Variants in NXPH3 observed in about 807,000 individuals in gnomAD.
The protein encoded by NXPH3 is neurexophilin-3.
A neutral mutation model predicts 18.8 loss-of-function variants in NXPH3; 7 were observed. That is an observed-to-expected ratio of 0.37 (90% CI 0.21 to 0.70). The LOEUF is 0.70. Ranked by LOEUF, NXPH3 falls within the 30% of genes least tolerant of loss-of-function variation. The pLI, the probability that NXPH3 is intolerant of heterozygous loss-of-function variation, is 0.53. For missense variants in NXPH3, 282 were observed against 338.1 expected, an observed-to-expected ratio of 0.83 and a Z score of 1.30; for synonymous variants, 101 against 137.3, an observed-to-expected ratio of 0.74 and a Z score of 1.85.
intron 1 of NXPH3, among the ~76,000 whole-genome samples, chr17:49,577,007 G>T (rs1235955417): frequency 6.6e-6 from 1 of 152,032 alleles, no homozygotes; most frequent in Non-Finnish European, 1.5e-5. Flanking sequence ...CAATACTGTC[G>T]TGAAGCCTCA....
intron 1 of NXPH3, among the ~76,000 whole-genome samples, chr17:49,577,066 C>A (rs1447759292): frequency 6.6e-6 from 1 of 152,130 alleles, no homozygotes; most frequent in Admixed American, 6.5e-5. Flanking sequence ...CTTGCCACCG[C>A]CCCATGCCAC....
At chr17:49,576,358 T>C in intron 1 of NXPH3, 85 bp downstream of exon 1, 1 of 1,440,276 alleles carries the variant, frequency 6.9e-7, no homozygotes, top group Non-Finnish European at 9.5e-7. Context: ...GCCCTGAAAC[T>C]TTCTCCCTTC....
rs1193816154 is a variant in NXPH3, at chr17:49,580,564, A to G, written c.*1264A>G. On this transcript the variant is annotated 3_prime_UTR_variant, in exon 2 of 2. Coordinates refer to ENST00000328741, the MANE Select transcript of NXPH3 (RefSeq NM_007225.4). ...CCCCCACGAGGAAACTTGAGCAAAC[A>G]CCCTGGGCTCGGTGCTGGAGGAGGG... The G allele has an allele frequency of 6.6e-6, 1 of 152,184 alleles. No individual in the cohort carries two copies. The highest frequency in any genetic ancestry group is 1.5e-5 in the Non-Finnish European group (1 of 68,054). 9.4% of individuals were successfully genotyped at this position (152,184 alleles called of 1,614,324 possible).
Position 49,579,445 on chromosome 17 carries a change from C to T in NXPH3, c.*145C>T. Reference sequence around the variant, plus strand: ...GAGGAGATGCCAAGTGGGGCCAGGGCCAAGTCTCAAGTGGCAGAGAAAGGG... The same window carrying T: ...GAGGAGATGCCAAGTGGGGCCAGGGTCAAGTCTCAAGTGGCAGAGAAAGGG... On this transcript the variant is annotated 3_prime_UTR_variant, in exon 2 of 2. Transcript: ENST00000328741. The surrounding 1 kb of genome is among the most constrained non-coding windows in gnomAD (Gnocchi z 6.0). 1.4e-6 allele frequency: 1 copy of T among 691,988 alleles called. No homozygotes were observed. Among genetic ancestry groups the T allele is most frequent in the Non-Finnish European group, 2.4e-6 (1 of 419,228 alleles). 42.9% of individuals were successfully genotyped at this position (691,988 alleles called of 1,614,324 possible).
Position 49,576,126 on chromosome 17 carries a change from T to C in NXPH3, c.-94T>C, listed in dbSNP as rs2071569567. 1 of 1,465,002 alleles carries C rather than the reference T, an allele frequency of 6.8e-7. No individual in the cohort carries two copies. The highest frequency in any genetic ancestry group is 9.3e-7 in the Non-Finnish European group (1 of 1,073,618). The allele number at this position is 1,465,002 out of a possible 1,614,324, so 90.8% of individuals were successfully genotyped here. Reference sequence around the variant, plus strand: ...CCGCGGGCCGCCGGGGACTGGAGCATGGGACGGCGCGCCTGAAGGAGCAGG... The same window carrying C: ...CCGCGGGCCGCCGGGGACTGGAGCACGGGACGGCGCGCCTGAAGGAGCAGG... On this transcript the variant is annotated 5_prime_UTR_variant, in exon 1 of 2. The change abolishes an upstream ATG in the 5' untranslated region. Coordinates refer to ENST00000328741, the MANE Select transcript of NXPH3 (RefSeq NM_007225.4).
chr17:49,580,865 C>T lies in NXPH3; in HGVS notation c.*1565C>T, dbSNP rs756118670. On this transcript the variant is annotated 3_prime_UTR_variant, in exon 2 of 2. Coordinates refer to ENST00000328741, the MANE Select transcript of NXPH3 (RefSeq NM_007225.4). ...AACACACAGATTTCTGGGTCCTACC[C>T]ACATTTCTAATTCAGCAGGCCTGGG... 1.6e-4 allele frequency: 25 copies of T among 152,340 alleles called. 1 individual carries two copies. Among genetic ancestry groups the T allele is most frequent in the Non-Finnish European group, 5.9e-5 (4 of 68,132 alleles). 9.4% of individuals were successfully genotyped at this position (152,340 alleles called of 1,614,324 possible). A position where few individuals can be genotyped will look rare whatever the true frequency, so the allele number is the denominator to read the frequency against.
chr17:49,576,210 G>T lies in NXPH3; in HGVS notation c.-10G>T. The T allele has an allele frequency of 6.4e-7, 1 of 1,564,740 alleles. No individual in the cohort carries two copies. The highest frequency in any genetic ancestry group is 8.7e-7 in the Non-Finnish European group (1 of 1,154,678). ...AGGGGAGAGCGAGGGGACGAGAGCG[G>T]AGGAGGAAGATGCAACTGACTCGCT... On this transcript the variant is annotated 5_prime_UTR_variant, in exon 1 of 2. Coordinates refer to ENST00000328741, the MANE Select transcript of NXPH3 (RefSeq NM_007225.4).
chr17:49,576,594 C>T (rs1401802273), intron 1 of NXPH3, among the ~76,000 whole-genome samples: 1 of 152,000 alleles, frequency 6.6e-6, no homozygotes, highest in Non-Finnish European at 1.5e-5. Flanking sequence ...ACCGCTGAAG[C>T]CGGGGGCGAG....
intron 1 of NXPH3, chr17:49,577,626 C>T (rs2071577841): frequency 6.6e-6 from 1 of 152,264 alleles, no homozygotes; most frequent in South Asian, 2.1e-4. Context: ...GATAAAAACC[C>T]TTTCAAAAAG....
chr17:49,580,290 C>G lies in NXPH3; in HGVS notation c.*990C>G, dbSNP rs1567759825. On this transcript the variant is annotated 3_prime_UTR_variant, in exon 2 of 2. Coordinates refer to ENST00000328741, the MANE Select transcript of NXPH3 (RefSeq NM_007225.4). ...GGGAGGGGAGGGAAGTCTTGTGAAA[C>G]CGCTGATTGCTGACTTTTGTGTGAA... 2.0e-5 allele frequency: 3 copies of G among 152,434 alleles called. No homozygotes were observed. The highest frequency in any genetic ancestry group is 2.1e-4 in the South Asian group (1 of 4,826). 9.4% of individuals were successfully genotyped at this position (152,434 alleles called of 1,614,324 possible). A position where few individuals can be genotyped will look rare whatever the true frequency, so the allele number is the denominator to read the frequency against.
rs370615578 is a variant in NXPH3 at position 49,578,997 on chromosome 17, T to G, written c.456T>G (p.Ser152Arg). Residue 152 changes from serine to arginine, a missense_variant, in exon 2 of 2, where the codon AGT becomes AGG. By Grantham distance (110) the Ser-to-Arg change is moderately radical. Transcript: ENST00000328741. The surrounding 1 kb of genome is among the most constrained non-coding windows in gnomAD (Gnocchi z 4.5). ...GNISISLVPP[S>R]KAVEFHQEQQ... The stretch of plus-strand genomic sequence containing the variant: ...TCTCCATCAGCCTCGTGCCCCCCAG[T>G]AAAGCTGTAGAGTTCCACCAGGAAC... The G allele has an allele frequency of 4.3e-6, 7 of 1,614,000 alleles. No individual in the cohort carries two copies.
In NXPH3 at chr17:49,579,076, T is replaced by C; in HGVS notation, c.535T>C (p.Trp179Arg). 5 of 1,613,174 alleles carry C rather than the reference T, an allele frequency of 3.1e-6. No individual in the cohort carries two copies. Among genetic ancestry groups the C allele is most frequent in the South Asian group, 1.1e-5 (1 of 91,030 alleles). Residue 179 changes from tryptophan (W) to arginine (R), a missense_variant, in exon 2 of 2, where the codon TGG becomes CGG. Physicochemically the swap from Trp to Arg is moderately radical, Grantham distance 101. Coordinates refer to ENST00000328741, the MANE Select transcript of NXPH3 (RefSeq NM_007225.4). The surrounding 1 kb of genome is among the most constrained non-coding windows in gnomAD (Gnocchi z 6.0). ...ASKIFNCRME[W>R]EKVERGRRTS... ...CAAAATCTTCAACTGCCGGATGGAG[T>C]GGGAGAAGGTAGAACGGGGCCGCCG...
In NXPH3 at chr17:49,581,184, C is replaced by T; in HGVS notation, c.*1884C>T. 1 of 222,516 alleles carries T rather than the reference C, an allele frequency of 4.5e-6. No homozygotes were observed. The highest frequency in any genetic ancestry group is 9.9e-5 in the South Asian group (1 of 10,146). The allele number at this position is 222,516 out of a possible 1,614,324, so 13.8% of individuals were successfully genotyped here. ...GTGGACACAGGGCCTGCGTCAGTCA[C>T]TCCCCTCCTGCAGCTAGTAAGAGGC... On this transcript the variant is annotated 3_prime_UTR_variant, in exon 2 of 2. Transcript: ENST00000328741.
In NXPH3 at chr17:49,579,196, G is replaced by A. The variant is rs753400852; in HGVS notation, c.655G>A (p.Val219Ile). 20 of 1,611,384 alleles carry A rather than the reference G, an allele frequency of 1.2e-5. No homozygotes were observed. The highest frequency in any genetic ancestry group is 9.9e-5 in the South Asian group (9 of 91,080). ...TWSCSQPFKV[V>I]CVYIAFYSTD... ...GAGCTGCTCCCAGCCCTTCAAAGTCGTCTGTGTCTACATCGCCTTCTACAG... is the reference window on the plus strand; with the variant it reads ...GAGCTGCTCCCAGCCCTTCAAAGTCATCTGTGTCTACATCGCCTTCTACAG... Residue 219 changes from valine (V) to isoleucine (I), a missense_variant, in exon 2 of 2, where the codon GTC (valine) becomes ATC (isoleucine). Coordinates refer to ENST00000328741, the MANE Select transcript of NXPH3 (RefSeq NM_007225.4). This position sits in a 1 kb window ranked among gnomAD's most constrained non-coding sequence, Gnocchi z 6.0.
rs2071582120 is a variant in NXPH3 at position 49,578,496 on chromosome 17, C to T, written c.55-100C>T. The T allele has an allele frequency of 2.1e-6, 2 of 940,520 alleles. No homozygotes were observed. The highest frequency in any genetic ancestry group is 3.3e-5 in the African/African-American group (2 of 61,018). The allele number at this position is 940,520 out of a possible 1,614,324, so 58.3% of individuals were successfully genotyped here. A position where few individuals can be genotyped will look rare whatever the true frequency, so the allele number is the denominator to read the frequency against. ...GGGCAAGACGCAGGAGCTCCTCACC[C>T]AGGTCAGAGTGAAGTGGCAGGGACA... On this transcript the variant is annotated intron_variant, in intron 1 of 1. Transcript: ENST00000328741. The surrounding 1 kb of genome is among the most constrained non-coding windows in gnomAD (Gnocchi z 4.5).
At position 49,575,921 on chromosome 17, in the gene NXPH3, G is replaced by C; in HGVS notation, c.-299G>C. ...GCTGGAGCCGAGGGGGGCGCCGAGCGCAGATCTGGAGCAGCAGAGCCACGG... is the reference window on the plus strand; with the variant it reads ...GCTGGAGCCGAGGGGGGCGCCGAGCCCAGATCTGGAGCAGCAGAGCCACGG... On this transcript the variant is annotated 5_prime_UTR_variant, in exon 1 of 2. Transcript: ENST00000328741. The surrounding 1 kb of genome is among the most constrained non-coding windows in gnomAD (Gnocchi z 4.3). 2.9e-6 allele frequency: 1 copy of C among 349,914 alleles called. No individual in the cohort carries two copies. Among genetic ancestry groups the C allele is most frequent in the Admixed American group, 5.1e-5 (1 of 19,798 alleles). The allele number at this position is 349,914 out of a possible 1,614,324, so 21.7% of individuals were successfully genotyped here. A position where few individuals can be genotyped will look rare whatever the true frequency, so the allele number is the denominator to read the frequency against.
chr17:49,581,870 G>A lies in NXPH3; in HGVS notation c.*2570G>A. On this transcript the variant is annotated 3_prime_UTR_variant, in exon 2 of 2. Coordinates refer to ENST00000328741, the MANE Select transcript of NXPH3 (RefSeq NM_007225.4). ...GCCAGATGCTGGCGACAGCTGGAGG[G>A]CCCGGCCTTCCTGGCACACAGTTCT... 1 of 671,954 alleles carries A rather than the reference G, an allele frequency of 1.5e-6. No homozygotes were observed. The highest frequency in any genetic ancestry group is 2.7e-6 in the Non-Finnish European group (1 of 372,576). 41.6% of individuals were successfully genotyped at this position (671,954 alleles called of 1,614,324 possible). A position where few individuals can be genotyped will look rare whatever the true frequency, so the allele number is the denominator to read the frequency against.
rs888236850 is a variant in NXPH3, at chr17:49,583,701, G to A, written c.*4401G>A. The stretch of plus-strand genomic sequence containing the variant: ...ATCCTGGGTCTGTAATTTATTAGAC[G>A]TGTGGCTTTGGACAAATGACATAAT... On this transcript the variant is annotated 3_prime_UTR_variant, in exon 2 of 2. Coordinates refer to ENST00000328741, the MANE Select transcript of NXPH3 (RefSeq NM_007225.4). 31 of 152,356 alleles carry A rather than the reference G, an allele frequency of 2.0e-4. No individual in the cohort carries two copies. Among genetic ancestry groups the A allele is most frequent in the Admixed American group, 5.2e-4 (8 of 15,308 alleles). The allele number at this position is 152,356 out of a possible 1,614,324, so 9.4% of individuals were successfully genotyped here. A position where few individuals can be genotyped will look rare whatever the true frequency, so the allele number is the denominator to read the frequency against.
In NXPH3 at chr17:49,578,878, G is replaced by A. The variant is rs762896302; in HGVS notation, c.337G>A (p.Ala113Thr). Residue 113 changes from alanine (A) to threonine (T), a missense_variant, in exon 2 of 2, where the codon GCC becomes ACC. By Grantham distance (58) the Ala-to-Thr change is moderately conservative. Transcript: ENST00000328741. The surrounding 1 kb of genome is among the most constrained non-coding windows in gnomAD (Gnocchi z 4.5). ...GDFYSNIKTV[A>T]LNLLVTGKIV... ...CTTCTACTCCAACATCAAGACGGTG[G>A]CCCTGAACCTGCTCGTCACAGGGAA... 14 of 1,614,012 alleles carry A rather than the reference G, an allele frequency of 8.7e-6. No individual in the cohort carries two copies. The East Asian group carries it at 2.9e-4, about 33-fold the overall frequency.
Sources: gnomAD v4.1 joint callset for allele counts (sites outside exome capture counted in the v4.1 genomes callset) on GRCh38, gnomAD v4.1.1 for gene constraint, Gnocchi (gnomAD v3.1) non-coding constraint, MANE v1.5 for transcripts, NCBI Gene and HGNC (gene_info 2026-07-23, HGNC 2026-07-21) for gene names.